Variants in KIF1B observed in about 807,000 individuals in gnomAD.
KIF1B encodes kinesin-like protein KIF1B.
KIF1B carries 76 observed loss-of-function variants against 241.9 expected under a neutral mutation model. The ratio of observed to expected loss-of-function variants is 0.31; its 90% CI spans 0.26 to 0.38. The LOEUF (loss-of-function observed/expected upper bound fraction) is 0.38. KIF1B is among the 10% of genes least tolerant of loss of function. The probability of loss-of-function intolerance (pLI) is 1.00; values close to 1 mark genes in which losing one functional copy is unlikely to be tolerated. For missense variants in KIF1B, 1,622 were observed against 2,271.4 expected, an observed-to-expected ratio of 0.71 and a Z score of 5.81; for synonymous variants, 750 against 796.7, an observed-to-expected ratio of 0.94 and a Z score of 0.99.
rs183625005 is a variant in KIF1B at position 10,306,969 on chromosome 1, A to G, written c.2115+9723A>G. 74 of 1,040,946 alleles carry G rather than the reference A, an allele frequency of 7.1e-5. 1 individual carries two copies. The East Asian group carries it at 1.7e-3, about 24-fold the overall frequency. 64.5% of individuals were successfully genotyped at this position (1,040,946 alleles called of 1,614,324 possible). Reference sequence around the variant, plus strand: ...ACTGTAGAATGAAGAGTTGTATAATATATTCATTTACAGCTGTGGATTGTG... The same window carrying G: ...ACTGTAGAATGAAGAGTTGTATAATGTATTCATTTACAGCTGTGGATTGTG... On this transcript the variant is annotated intron_variant, in intron 22 of 48. Coordinates refer to ENST00000676179, the MANE Select transcript of KIF1B (RefSeq NM_001365951.3).
At position 10,220,096 on chromosome 1, in the gene KIF1B, G is replaced by A. The variant is rs182780419; in HGVS notation, c.-80+9218G>A. Among the ~76,000 whole-genome samples the A allele has an allele frequency of 2.6e-5, 4 of 151,866 alleles. No individual in the cohort carries two copies. In the East Asian group the frequency reaches 7.8e-4, roughly 30 times the overall value. On this transcript the variant is annotated intron_variant, in intron 1 of 48. Coordinates refer to ENST00000676179, the MANE Select transcript of KIF1B (RefSeq NM_001365951.3). The stretch of plus-strand genomic sequence containing the variant: ...ACATGCCTGTAATCCCAGCTACTCG[G>A]GAGGCTGAAGTAGGAGAATCACTTG...
chr1:10,340,839 T>C (rs1266524149), intron 32 of KIF1B, among the ~76,000 whole-genome samples: 1 of 152,196 alleles, frequency 6.6e-6, no homozygotes. Context: ...GAGGCAGAGA[T>C]AGGACTTAAG....
intron 15 of KIF1B, among the ~76,000 whole-genome samples, chr1:10,290,263 G>C (rs144147433): frequency 6.6e-6 from 1 of 151,874 alleles, no homozygotes; most frequent in African/African-American, 2.4e-5. Flanking sequence ...CTATCAACCC[G>C]TTATCTGGGT....
Position 10,343,210 on chromosome 1 carries a change from CTT to C in KIF1B, c.3633-20_3633-19del. On this transcript the variant is annotated intron_variant, in intron 33 of 48. Transcript: ENST00000676179. ...ATAAATAACTCTTTATAGTCTTGAT[CTT>C]TGTCTTCCTTTCTTTGCAGTCCGCC... The C allele has an allele frequency of 6.2e-7, 1 of 1,613,694 alleles. No homozygotes were observed. Among genetic ancestry groups the C allele is most frequent in the African/African-American group, 1.3e-5 (1 of 75,048 alleles).
At chr1:10,248,262 C>T (rs1043664612) in intron 2 of KIF1B, among the ~76,000 whole-genome samples, 2 of 151,794 alleles carry the variant, frequency 1.3e-5, no homozygotes, top group South Asian at 4.2e-4. Context: ...TGTGGTGGTG[C>T]AGTAACGGCT....
chr1:10,346,873 G>A (rs1046601322), intron 35 of KIF1B, among the ~76,000 whole-genome samples: 5 of 152,196 alleles, frequency 3.3e-5, no homozygotes, highest in Non-Finnish European at 7.4e-5. Context: ...TGTGCATTTA[G>A]AATATTTTGC....
intron 17 of KIF1B, among the ~76,000 whole-genome samples, chr1:10,294,010 A>C (rs970469543): frequency 6.6e-6 from 1 of 152,216 alleles, no homozygotes; most frequent in Non-Finnish European, 1.5e-5. Context: ...CAAGTTCTTC[A>C]ACTACAAAGG....
At chr1:10,352,116 CAG>C (rs894513061) in intron 37 of KIF1B, among the ~76,000 whole-genome samples, 16 of 139,282 alleles carry the variant, frequency 1.1e-4, no homozygotes, top group African/African-American at 4.2e-4. Context: ...TGGATTGGAA[CAG>C]GGGAGGTGTG....
intron 41 of KIF1B, 137 bp downstream of exon 41, chr1:10,363,481 C>T (rs1638481269): frequency 2.7e-6 from 2 of 732,066 alleles, no homozygotes; most frequent in East Asian, 5.3e-5. Flanking sequence ...CACCTGAGTC[C>T]AGGAGTTCAA....
chr1:10,348,737 A>T lies in KIF1B; in HGVS notation c.3949+4A>T, dbSNP rs1368820646. The T allele has an allele frequency of 6.2e-7, 1 of 1,609,172 alleles. No individual in the cohort carries two copies. Among genetic ancestry groups the T allele is most frequent in the Non-Finnish European group, 8.5e-7 (1 of 1,175,748 alleles). ...GATGTTCGTGAACTGGTGGTAGGTGAGTACGTTTCATCAGCCAAGGATAGA... is the reference window on the plus strand; with the variant it reads ...GATGTTCGTGAACTGGTGGTAGGTGTGTACGTTTCATCAGCCAAGGATAGA... On this transcript the variant is annotated splice_donor_region_variant and intron_variant, in intron 37 of 48. Transcript: ENST00000676179.
At chr1:10,275,999 G>C (rs908278686) in intron 11 of KIF1B, among the ~76,000 whole-genome samples, 1 of 151,310 alleles carries the variant, frequency 6.6e-6, no homozygotes, top group Non-Finnish European at 1.5e-5. Flanking sequence ...TCCGCCTCCT[G>C]GGTTCAAGCA....
intron 1 of KIF1B, among the ~76,000 whole-genome samples, chr1:10,222,032 G>A (rs987785092): frequency 6.0e-4 from 92 of 152,084 alleles, no homozygotes; most frequent in African/African-American, 2.1e-3. Flanking sequence ...TCTAACAAAT[G>A]TACTGAATAA....
At chr1:10,323,771 A>C in intron 24 of KIF1B, 113 bp from the exon 25 acceptor site, 3 of 827,134 alleles carry the variant, frequency 3.6e-6, no homozygotes, top group Non-Finnish European at 6.0e-6. Context: ...GTTAGTCACA[A>C]GATATTTGTT....
intron 2 of KIF1B, among the ~76,000 whole-genome samples, chr1:10,247,915 C>T (rs138792408): frequency 0.019 from 2,838 of 152,122 alleles, 40 homozygotes; most frequent in Non-Finnish European, 0.028. Flanking sequence ...TCATAAGGAG[C>T]GGGCAACCTA....
At chr1:10,240,720 C>CTTTTTTTTTTTTTTTTTTT (rs771359959) in intron 2 of KIF1B, among the ~76,000 whole-genome samples, 1 of 103,798 alleles carries the variant, frequency 9.6e-6, no homozygotes. Context: ...ATGGGTAGTT[C>CTTTTTTTTTTTTTTTTTTT]ATTTTTTTTT....
At position 10,374,586 on chromosome 1, in the gene KIF1B, G is replaced by A. The variant is rs1007696202; in HGVS notation, c.5096+121G>A. On this transcript the variant is annotated intron_variant, in intron 46 of 48. Coordinates refer to ENST00000676179, the MANE Select transcript of KIF1B (RefSeq NM_001365951.3). The surrounding 1 kb of genome is among the most constrained non-coding windows in gnomAD (Gnocchi z 4.3). Reference sequence around the variant, plus strand: ...TCTGATGCAATCTGTACTGTAGTCTGATGCAAGTTGAGTCTGGGGTGAGAG... The same window carrying A: ...TCTGATGCAATCTGTACTGTAGTCTAATGCAAGTTGAGTCTGGGGTGAGAG... 1 of 1,233,838 alleles carries A rather than the reference G, an allele frequency of 8.1e-7. No homozygotes were observed. Among genetic ancestry groups the A allele is most frequent in the Non-Finnish European group, 1.2e-6 (1 of 849,502 alleles). The allele number at this position is 1,233,838 out of a possible 1,614,324, so 76.4% of individuals were successfully genotyped here. A position where few individuals can be genotyped will look rare whatever the true frequency, so the allele number is the denominator to read the frequency against.
At chr1:10,351,368 T>G (rs751838991) in intron 37 of KIF1B, among the ~76,000 whole-genome samples, 2 of 152,160 alleles carry the variant, frequency 1.3e-5, no homozygotes, top group African/African-American at 2.4e-5. Flanking sequence ...TTAGTTTGTT[T>G]TATTAACAAA....
chr1:10,359,890 TG>T (rs918507576), intron 38 of KIF1B, among the ~76,000 whole-genome samples: 6 of 151,732 alleles, frequency 4.0e-5, no homozygotes, highest in African/African-American at 1.5e-4. Context: ...AAAAATTAGC[TG>T]GCGTAGTGGT....
intron 18 of KIF1B, 59 bp downstream of exon 18, chr1:10,295,224 T>A: frequency 9.8e-7 from 1 of 1,017,910 alleles, no homozygotes; most frequent in Non-Finnish European, 1.6e-6. Flanking sequence ...GATAATTGAA[T>A]AACTAAAGGG....
Sources: gnomAD v4.1 joint callset for allele counts (sites outside exome capture counted in the v4.1 genomes callset) on GRCh38, gnomAD v4.1.1 for gene constraint, Gnocchi (gnomAD v3.1) non-coding constraint, MANE v1.5 for transcripts, NCBI Gene and HGNC (gene_info 2026-07-23, HGNC 2026-07-21) for gene names.